Variants in PPARGC1A observed in about 807,000 individuals in gnomAD.
The protein encoded by PPARGC1A is peroxisome proliferator-activated receptor gamma coactivator 1-alpha.
PPARGC1A carries 25 observed loss-of-function variants against 88.7 expected under a neutral mutation model. The ratio of observed to expected loss-of-function variants is 0.28; its 90% CI spans 0.21 to 0.39. The LOEUF (loss-of-function observed/expected upper bound fraction) is 0.39, where lower values mean the gene tolerates loss of function less well. Ranked by LOEUF, PPARGC1A falls within the 10% of genes least tolerant of loss-of-function variation. The pLI, the probability that PPARGC1A is intolerant of heterozygous loss-of-function variation, is 1.00. For synonymous variants in PPARGC1A, 363 were observed against 355.6 expected (o/e 1.02, Z -0.24); for missense variants, 880 against 968.7 (o/e 0.91, Z 1.22).
At chr4:23,850,121 G>A (rs910846313) in intron 2 of PPARGC1A, among the ~76,000 whole-genome samples, 7 of 152,120 alleles carry the variant, frequency 4.6e-5, no homozygotes, top group Non-Finnish European at 1.0e-4. Context: ...TTTGAGCTAC[G>A]GGCTTCAGGA....
At chr4:23,913,259 T>TAGAGAG in the PPARGC1A span, among the ~76,000 whole-genome samples, 4 of 49,028 alleles carry the variant, frequency 8.2e-5, no homozygotes, top group Non-Finnish European at 1.2e-4. Flanking sequence ...TATATATATA[T>TAGAGAG]ATATATATAG....
chr4:23,819,247 G>T (rs186057873), intron 7 of PPARGC1A, among the ~76,000 whole-genome samples: 14 of 152,208 alleles, frequency 9.2e-5, no homozygotes, highest in African/African-American at 3.1e-4. Flanking sequence ...AGCTCCACAA[G>T]ACCCAGCAAC....
chr4:23,801,885 C>A lies in PPARGC1A; in HGVS notation c.2142-4G>T. The A allele has an allele frequency of 2.5e-6, 4 of 1,613,798 alleles. No homozygotes were observed. Among genetic ancestry groups the A allele is most frequent in the Non-Finnish European group, 3.4e-6 (4 of 1,179,846 alleles). The stretch of plus-strand genomic sequence containing the variant: ...GGTAATGAAACCATAGCTGTCTCTG[C>A]AACGGACAAAGAAAAGTTCAAAGCT... On this transcript the variant is annotated splice_polypyrimidine_tract_variant and splice_region_variant and intron_variant, in intron 11 of 12. Coordinates refer to ENST00000264867, the MANE Select transcript of PPARGC1A (RefSeq NM_013261.5).
chr4:23,964,583 T>C, the PPARGC1A span, among the ~76,000 whole-genome samples: 1 of 152,178 alleles, frequency 6.6e-6, no homozygotes, highest in Admixed American at 6.5e-5. Context: ...AGGTGGTATA[T>C]GGATCTGGGT....
At chr4:24,350,274 G>C in the PPARGC1A span, among the ~76,000 whole-genome samples, 3 of 152,142 alleles carry the variant, frequency 2.0e-5, no homozygotes. Context: ...CAAAGTGCTG[G>C]GATTACAGGC....
At chr4:24,334,802 T>C in the PPARGC1A span, among the ~76,000 whole-genome samples, 1 of 152,220 alleles carries the variant, frequency 6.6e-6, no homozygotes, top group Non-Finnish European at 1.5e-5. Flanking sequence ...TATGATGTGA[T>C]ACATAGTTAT....
At chr4:23,815,444 G>A (rs1175583299) in intron 7 of PPARGC1A, among the ~76,000 whole-genome samples, 6 of 152,122 alleles carry the variant, frequency 3.9e-5, no homozygotes, top group Non-Finnish European at 8.8e-5. Flanking sequence ...ACAACATAAG[G>A]GAGGGTTATG....
chr4:24,344,858 G>T, the PPARGC1A span, among the ~76,000 whole-genome samples: 1 of 152,068 alleles, frequency 6.6e-6, no homozygotes, highest in African/African-American at 2.4e-5. Flanking sequence ...TTTTTCCAAG[G>T]TTGTCTTCTA....
Position 23,828,481 on chromosome 4 carries a change from T to C in PPARGC1A, c.676A>G (p.Thr226Ala), listed in dbSNP as rs1278672010. ...TCTCTGCTGCTGTTTCTGTTCTCTGTGGGTTTGGTGTGAGGAGGGTCATCG... is the reference window on the plus strand; with the variant it reads ...TCTCTGCTGCTGTTTCTGTTCTCTGCGGGTTTGGTGTGAGGAGGGTCATCG... Reference protein sequence around the residue: ...TNDDPPHTKPTENRNSSRDKC... With the variant: ...TNDDPPHTKPAENRNSSRDKC... The change falls in exon 5 of 13, where the codon ACA becomes GCA. Residue 226 changes from threonine (T) to alanine (A), a missense_variant. By Grantham distance (58) the Thr-to-Ala change is moderately conservative. Transcript: ENST00000264867. 2 of 1,613,970 alleles carry C rather than the reference T, an allele frequency of 1.2e-6. No individual in the cohort carries two copies. Among genetic ancestry groups the C allele is most frequent in the Non-Finnish European group, 1.7e-6 (2 of 1,179,986 alleles).
intron 2 of PPARGC1A, among the ~76,000 whole-genome samples, chr4:23,837,025 G>C (rs947721253): frequency 4.6e-5 from 7 of 152,094 alleles, no homozygotes; most frequent in African/African-American, 1.7e-4. Flanking sequence ...AATTTTTTCT[G>C]GATCCTGTAG....
chr4:24,211,994 G>A, the PPARGC1A span, among the ~76,000 whole-genome samples: 4 of 151,980 alleles, frequency 2.6e-5, no homozygotes, highest in Non-Finnish European at 5.9e-5. Flanking sequence ...TTGGCTCACC[G>A]TTCCCCAACA....
At chr4:23,897,111 G>C (rs972221804) in intron 1 of PPARGC1A, among the ~76,000 whole-genome samples, 1 of 152,196 alleles carries the variant, frequency 6.6e-6, no homozygotes, top group Non-Finnish European at 1.5e-5. Context: ...ATATTCATAG[G>C]AATGAAAGCT....
At chr4:24,307,237 G>C in the PPARGC1A span, among the ~76,000 whole-genome samples, 3 of 152,276 alleles carry the variant, frequency 2.0e-5, no homozygotes, top group East Asian at 5.8e-4. Flanking sequence ...TCCACAGGTT[G>C]TGAAACACAG....
the PPARGC1A span, among the ~76,000 whole-genome samples, chr4:24,111,800 C>T: frequency 4.1e-3 from 628 of 152,246 alleles, 14 homozygotes; most frequent in South Asian, 0.063. Context: ...CCTTCTAAAA[C>T]GGCTCCCAGT....
At chr4:24,138,479 G>A in the PPARGC1A span, among the ~76,000 whole-genome samples, 1 of 152,242 alleles carries the variant, frequency 6.6e-6, no homozygotes, top group African/African-American at 2.4e-5. Context: ...GTCAACAAGG[G>A]AAGGTATGCT....
intron 2 of PPARGC1A, among the ~76,000 whole-genome samples, chr4:23,872,010 C>T (rs1332209045): frequency 1.3e-5 from 2 of 152,118 alleles, no homozygotes; most frequent in East Asian, 1.9e-4. Flanking sequence ...GCAGGATAGC[C>T]CCTGAATAGC....
At chr4:24,321,989 AAATAGATC>A in the PPARGC1A span, among the ~76,000 whole-genome samples, 2 of 152,218 alleles carry the variant, frequency 1.3e-5, no homozygotes, top group Non-Finnish European at 2.9e-5. Flanking sequence ...TTTTCTTCTA[AAATAGATC>A]ATGGATTAAT....
the PPARGC1A span, among the ~76,000 whole-genome samples, chr4:24,165,911 T>A: frequency 6.6e-6 from 1 of 152,098 alleles, no homozygotes; most frequent in Non-Finnish European, 1.5e-5. Context: ...GAGATGCACG[T>A]CTCTCACTTT....
chr4:23,890,050 G>A (rs1183029356), upstream of PPARGC1A: 4 of 1,574,878 alleles, frequency 2.5e-6, no homozygotes, highest in African/African-American at 4.0e-5. Flanking sequence ...CCCTTACTGA[G>A]AGTGAACTGA....
Sources: allele counts gnomAD v4.1 joint callset (sites outside exome capture counted in the v4.1 genomes callset), GRCh38; gene constraint gnomAD v4.1.1; transcripts MANE v1.5; gene names NCBI Gene and HGNC (gene_info 2026-07-23, HGNC 2026-07-21).